The following COL11A1 variants were observed in gnomAD, a reference collection of about 807,000 sequenced individuals.
COL11A1 encodes the protein collagen type XI alpha 1 chain, also known as collagen alpha-1(XI) chain.
Under a neutral mutation model 265.2 loss-of-function variants are expected in COL11A1, and 74 were observed. The ratio of observed to expected loss-of-function variants is 0.28; its 90% CI spans 0.23 to 0.34. The LOEUF (loss-of-function observed/expected upper bound fraction) is 0.34. COL11A1 is among the 10% of genes least tolerant of loss of function. The pLI, the probability that COL11A1 is intolerant of heterozygous loss-of-function variation, is 1.00. For missense variants in COL11A1, 2,165 were observed against 2,263.6 expected (o/e 0.96, Z 0.88); for synonymous variants, 816 against 727.6 (o/e 1.12, Z -1.96).
At chr1:103,056,961 T>G (rs1259368756) in intron 4 of COL11A1, among the ~76,000 whole-genome samples, 1 of 152,178 alleles carries the variant, frequency 6.6e-6, no homozygotes, top group African/African-American at 2.4e-5. Flanking sequence ...CACCTCTGTG[T>G]CTATAACTGC....
intron 4 of COL11A1, 40 bp downstream of exon 4, chr1:103,074,578 G>T: frequency 1.2e-6 from 2 of 1,605,878 alleles, no homozygotes; most frequent in Non-Finnish European, 1.7e-6. Flanking sequence ...CAGTTCATCT[G>T]ATTTGTCAAT....
chr1:102,969,433 C>A (rs988632572), intron 37 of COL11A1, among the ~76,000 whole-genome samples: 2 of 152,140 alleles, frequency 1.3e-5, no homozygotes, highest in Non-Finnish European at 2.9e-5. Context: ...TAAAAGTAAT[C>A]ATTGGTGAGA....
chr1:102,912,621 G>A (rs764263162), intron 53 of COL11A1, among the ~76,000 whole-genome samples: 1 of 152,076 alleles, frequency 6.6e-6, no homozygotes, highest in Non-Finnish European at 1.5e-5. Context: ...AACATTCTAT[G>A]CCAAGTTGTA....
At chr1:103,021,163 A>G (rs1291331064) in intron 9 of COL11A1, among the ~76,000 whole-genome samples, 1 of 151,132 alleles carries the variant, frequency 6.6e-6, no homozygotes, top group African/African-American at 2.4e-5. Flanking sequence ...TCTGTTTCTT[A>G]GCAATATTAT....
At chr1:102,962,497 T>C (rs1661014739) in intron 39 of COL11A1, among the ~76,000 whole-genome samples, 156 bp downstream of exon 39, 1 of 152,224 alleles carries the variant, frequency 6.6e-6, no homozygotes, top group South Asian at 2.1e-4. Flanking sequence ...TATATAAATG[T>C]TGAGCAATAT....
intron 4 of COL11A1, among the ~76,000 whole-genome samples, chr1:103,061,949 G>T (rs1418260774): frequency 6.6e-6 from 1 of 151,706 alleles, no homozygotes; most frequent in East Asian, 1.9e-4. Context: ...CTCTAGCTAA[G>T]CCAACTAAGT....
chr1:102,938,958 T>C (rs1257585474), intron 44 of COL11A1, 77 bp downstream of exon 44: 1 of 1,241,942 alleles, frequency 8.1e-7, no homozygotes, highest in Non-Finnish European at 1.2e-6. Flanking sequence ...TAAGTAGCAC[T>C]ATATAAAAAT....
intron 57 of COL11A1, among the ~76,000 whole-genome samples, chr1:102,890,979 G>A (rs1557780277): frequency 6.6e-6 from 1 of 151,912 alleles, no homozygotes; most frequent in African/African-American, 2.4e-5. Flanking sequence ...ACACTGTTTG[G>A]TTTGTATTTA....
At chr1:103,065,575 A>AACAAAC (rs200524470) in intron 4 of COL11A1, among the ~76,000 whole-genome samples, 2 of 124,402 alleles carry the variant, frequency 1.6e-5, no homozygotes, top group African/African-American at 3.8e-5. Flanking sequence ...CAAACAAACA[A>AACAAAC]AAAAAATAGC....
chr1:102,914,890 C>T (rs1655135205), intron 50 of COL11A1, 79 bp from the exon 51 acceptor site: 2 of 1,131,868 alleles, frequency 1.8e-6, no homozygotes, highest in Non-Finnish European at 2.6e-6. Flanking sequence ...AGTTTATTAA[C>T]CTTGGCACAC....
intron 38 of COL11A1, 77 bp downstream of exon 38, chr1:102,965,410 G>T (rs1661313399): frequency 1.5e-6 from 2 of 1,290,488 alleles, no homozygotes; most frequent in Admixed American, 1.8e-5. Flanking sequence ...AAATTTAGAA[G>T]ATTTTACACA....
intron 4 of COL11A1, among the ~76,000 whole-genome samples, chr1:103,050,680 AT>A (rs777303091): frequency 1.5e-4 from 23 of 151,972 alleles, no homozygotes; most frequent in Admixed American, 6.5e-4. Flanking sequence ...AGGTCCTCTG[AT>A]TTTTAGAGTT....
Position 102,914,344 on chromosome 1 carries a change from A to C in COL11A1, c.3978+8T>G. ...AAAATAATTTCTTGATTTTTCCCTG[A>C]TACTTACTGCAGGGCCAGGTTCCCC... On this transcript the variant is annotated splice_region_variant and intron_variant, in intron 52 of 66. Coordinates refer to ENST00000370096, the MANE Select transcript of COL11A1 (RefSeq NM_001854.4). The C allele has an allele frequency of 1.3e-6, 2 of 1,598,808 alleles. No homozygotes were observed. Among genetic ancestry groups the C allele is most frequent in the African/African-American group, 1.3e-5 (1 of 74,858 alleles).
At position 103,022,897 on chromosome 1, in the gene COL11A1, C is replaced by T. The variant is rs747054416; in HGVS notation, c.1090G>A (p.Glu364Lys). 4 of 1,613,690 alleles carry T rather than the reference C, an allele frequency of 2.5e-6. 1 individual carries two copies. In the Middle Eastern group the frequency reaches 4.9e-4, roughly 199 times the overall value. Residue 364 changes from glutamate to lysine, a missense_variant, in exon 8 of 67, where the codon GAA becomes AAA. Coordinates refer to ENST00000370096, the MANE Select transcript of COL11A1 (RefSeq NM_001854.4). ...AGATCAGAATCCCTGCCGTCTATTTCTTTGTTTTCATATAGTGTATCCTCA... is the reference window on the plus strand; with the variant it reads ...AGATCAGAATCCCTGCCGTCTATTTTTTTGTTTTCATATAGTGTATCCTCA... ...NSEDTLYENKEIDGRDSDLLV... is the reference protein window; with the variant it reads ...NSEDTLYENKKIDGRDSDLLV...
At chr1:102,966,287 G>A (rs1661395102) in intron 37 of COL11A1, among the ~76,000 whole-genome samples, 1 of 152,116 alleles carries the variant, frequency 6.6e-6, no homozygotes, top group African/African-American at 2.4e-5. Flanking sequence ...TGGAGAAGTA[G>A]ATAGAAAATA....
At chr1:102,962,010 G>A (rs957555178) in intron 40 of COL11A1, 91 bp from the exon 41 acceptor site, 1 of 1,234,620 alleles carries the variant, frequency 8.1e-7, no homozygotes, top group African/African-American at 1.5e-5. Flanking sequence ...AAGGATGTCA[G>A]GTAATGTTTA....
intron 31 of COL11A1, 53 bp from the exon 32 acceptor site, chr1:102,979,488 CACA>C (rs1444157904): frequency 5.9e-6 from 7 of 1,178,512 alleles, no homozygotes; most frequent in Non-Finnish European, 8.9e-6. Flanking sequence ...CATTTTCAGT[CACA>C]AGATGTAATT....
chr1:102,971,532 T>C (rs1333586142), intron 36 of COL11A1, among the ~76,000 whole-genome samples: 1 of 152,238 alleles, frequency 6.6e-6, no homozygotes, highest in African/African-American at 2.4e-5. Flanking sequence ...TCATTGTATG[T>C]TAATTATTTA....
At chr1:103,056,278 A>T (rs773277963) in intron 4 of COL11A1, among the ~76,000 whole-genome samples, 1 of 152,170 alleles carries the variant, frequency 6.6e-6, no homozygotes, top group Non-Finnish European at 1.5e-5. Flanking sequence ...GAACCATAAA[A>T]ACCTCAGGCT....
Sources: allele counts gnomAD v4.1 joint callset (sites outside exome capture counted in the v4.1 genomes callset), GRCh38; gene constraint gnomAD v4.1.1; transcripts MANE v1.5; gene names NCBI Gene and HGNC (gene_info 2026-07-23, HGNC 2026-07-21).